SHISAL1: variants seen among roughly 807,000 people sequenced by gnomAD.
The protein encoded by SHISAL1 is shisa like 1.
A neutral mutation model predicts 22.6 loss-of-function variants in SHISAL1; 9 were observed. The ratio of observed to expected loss-of-function variants is 0.40; its 90% confidence interval spans 0.24 to 0.70. The LOEUF is 0.70. SHISAL1 is among the 30% of genes least tolerant of loss of function. The pLI, the probability that SHISAL1 is intolerant of heterozygous loss-of-function variation, is 0.39. For missense variants in SHISAL1, 246 were observed against 270.6 expected (o/e 0.91, Z 0.64); for synonymous variants, 119 against 115.4 (o/e 1.03, Z -0.20).
rs78455056 is a variant in SHISAL1 at position 44,257,076 on chromosome 22, G to A, written c.*-7391C>T. 3.5e-3 allele frequency among the ~76,000 whole-genome samples: 539 copies of A among 152,338 alleles called. 1 individual carries two copies. The highest frequency in any genetic ancestry group is 0.012 in the African/African-American group (510 of 41,578). On this transcript the variant is annotated intron_variant, in intron 4 of 4. Transcript: ENST00000381176. The stretch of plus-strand genomic sequence containing the variant: ...CACAGATCAAAAAGGCTGAGCGCCC[G>A]ACGCGTGTGCTGGTTTGGGTTTCTG...
intron 4 of SHISAL1, among the ~76,000 whole-genome samples, chr22:44,264,416 G>A (rs1044478370): frequency 1.3e-5 from 2 of 152,164 alleles, no homozygotes; most frequent in African/African-American, 4.8e-5. Flanking sequence ...AGCTTTATGG[G>A]AGAGTTTGCT....
chr22:44,291,469 T>C (rs1040660391), intron 3 of SHISAL1, among the ~76,000 whole-genome samples: 8 of 152,128 alleles, frequency 5.3e-5, no homozygotes, highest in African/African-American at 1.9e-4. Context: ...AGGTCCTTCA[T>C]AGATAACAGA....
At chr22:44,254,827 C>G (rs533314485) in intron 4 of SHISAL1, among the ~76,000 whole-genome samples, 2 of 152,054 alleles carry the variant, frequency 1.3e-5, no homozygotes, top group Admixed American at 6.6e-5. Context: ...GAATGATTCT[C>G]TGCACTTTTG....
chr22:44,299,833 CAGAG>C (rs1249101794), intron 2 of SHISAL1, among the ~76,000 whole-genome samples: 1 of 149,790 alleles, frequency 6.7e-6, no homozygotes, highest in East Asian at 2.0e-4. Flanking sequence ...GACAGAGACA[CAGAG>C]AGATAGACAG....
At chr22:44,250,173 ATGT>A (rs2055037712) in intron 4 of SHISAL1, among the ~76,000 whole-genome samples, 1 of 152,196 alleles carries the variant, frequency 6.6e-6, no homozygotes, top group Non-Finnish European at 1.5e-5. Flanking sequence ...ATAATTTTTA[ATGT>A]TGTTCCCCTT....
intron 4 of SHISAL1, among the ~76,000 whole-genome samples, chr22:44,261,100 C>CATATAT (rs1457689043): frequency 8.5e-6 from 1 of 117,828 alleles, no homozygotes; most frequent in East Asian, 2.5e-4. Flanking sequence ...TATATATATA[C>CATATAT]ACTATATGGA....
chr22:44,266,690 T>C (rs1804650882), intron 4 of SHISAL1, among the ~76,000 whole-genome samples: 1 of 152,008 alleles, frequency 6.6e-6, no homozygotes, highest in South Asian at 2.1e-4. Flanking sequence ...GTGGCCTCTC[T>C]GAGCCTGAGT....
the SHISAL1 span, among the ~76,000 whole-genome samples, chr22:44,327,056 C>A: frequency 6.6e-6 from 1 of 152,176 alleles, no homozygotes; most frequent in Admixed American, 6.5e-5. Flanking sequence ...GGTCCCAGCC[C>A]TCTCTGGGCC....
intron 4 of SHISAL1, among the ~76,000 whole-genome samples, chr22:44,266,489 G>A (rs1389634203): frequency 1.5e-5 from 2 of 129,812 alleles, no homozygotes; most frequent in African/African-American, 6.5e-5. Flanking sequence ...TGTGTCTGTT[G>A]GGGGCTCTGG....
chr22:44,321,576 C>T, the SHISAL1 span, among the ~76,000 whole-genome samples: 1 of 152,166 alleles, frequency 6.6e-6, no homozygotes, highest in Non-Finnish European at 1.5e-5. Context: ...ACTGTGTTCA[C>T]GAGTCCCTGC....
the SHISAL1 span, among the ~76,000 whole-genome samples, chr22:44,326,369 A>T: frequency 6.6e-6 from 1 of 152,124 alleles, no homozygotes; most frequent in East Asian, 1.9e-4. Flanking sequence ...CAATTTCCCA[A>T]TGCAAATCTC....
chr22:44,314,636 C>T (rs1601810654), upstream of SHISAL1, among the ~76,000 whole-genome samples: 1 of 152,148 alleles, frequency 6.6e-6, no homozygotes, highest in African/African-American at 2.4e-5. Flanking sequence ...TCAGGGAGGC[C>T]ACTGTGACCA....
intron 3 of SHISAL1, among the ~76,000 whole-genome samples, chr22:44,293,163 C>T (rs1369552239): frequency 6.6e-6 from 1 of 152,174 alleles, no homozygotes; most frequent in Non-Finnish European, 1.5e-5. Flanking sequence ...TAAACGCTGT[C>T]AGATCTCGAG....
At chr22:44,258,236 G>C (rs11912661) in intron 4 of SHISAL1, among the ~76,000 whole-genome samples, 1 of 152,210 alleles carries the variant, frequency 6.6e-6, no homozygotes, top group Non-Finnish European at 1.5e-5. Context: ...AATCCAGTGG[G>C]GTAGAGATTG....
the SHISAL1 span, among the ~76,000 whole-genome samples, chr22:44,318,980 G>A: frequency 5.9e-5 from 9 of 152,362 alleles, no homozygotes; most frequent in East Asian, 1.9e-4. Context: ...AGTCCCCAGC[G>A]TGGCTAAGGA....
the SHISAL1 span, among the ~76,000 whole-genome samples, chr22:44,326,936 A>G: frequency 2.0e-5 from 3 of 151,596 alleles, no homozygotes; most frequent in South Asian, 4.2e-4. Flanking sequence ...CACACCCCCG[A>G]CTCCCCAAAG....
rs1315618888 is a variant in SHISAL1 at position 44,247,890 on chromosome 22, ACCTGGCTTTCTTGTGCTT to A, written c.*1777_*1794del. On this transcript the variant is annotated 3_prime_UTR_variant, in exon 5 of 5. Transcript: ENST00000381176. ...CCCAGCCACCTGGCTTTCTTGTGCC[ACCTGGCTTTCTTGTGCTT>A]CCTTGAAACCACCAAGCCTGTGGCT... 6.6e-6 allele frequency: 1 copy of A among 151,980 alleles called. No individual in the cohort carries two copies. The highest frequency in any genetic ancestry group is 1.5e-5 in the Non-Finnish European group (1 of 67,954). 9.4% of individuals were successfully genotyped at this position (151,980 alleles called of 1,614,324 possible).
intron 3 of SHISAL1, 108 bp downstream of exon 3, chr22:44,296,564 A>G: frequency 4.4e-6 from 4 of 915,328 alleles, no homozygotes; most frequent in South Asian, 3.0e-5. Context: ...GGCCCACCCA[A>G]CCTTATAGCG....
At chr22:44,265,145 A>G (rs994746905) in intron 4 of SHISAL1, among the ~76,000 whole-genome samples, 2 of 152,136 alleles carry the variant, frequency 1.3e-5, no homozygotes, top group African/African-American at 2.4e-5. Flanking sequence ...ATGGCCTCCA[A>G]AGAATCTACC....
Sources: gnomAD v4.1 joint callset for allele counts (sites outside exome capture counted in the v4.1 genomes callset) on GRCh38, gnomAD v4.1.1 for gene constraint, MANE v1.5 for transcripts, NCBI Gene and HGNC (gene_info 2026-07-23, HGNC 2026-07-21) for gene names.